Variants in CDK5R2 observed in about 807,000 individuals in gnomAD.
The protein encoded by CDK5R2 is cyclin-dependent kinase 5 activator 2.
CDK5R2 carries 7 observed loss-of-function variants against 23.1 expected under a neutral mutation model. That is an observed-to-expected ratio of 0.30 (90% CI 0.17 to 0.57). The LOEUF (loss-of-function observed/expected upper bound fraction) is 0.57. CDK5R2 is among the 20% of genes least tolerant of loss of function. The pLI, the probability that CDK5R2 is intolerant of heterozygous loss-of-function variation, is 0.91. For missense variants in CDK5R2, 380 were observed against 537.6 expected (o/e 0.71, Z 2.90); for synonymous variants, 242 against 264.9 (o/e 0.91, Z 0.84).
In CDK5R2 at chr2:218,961,676, GC is replaced by G; in HGVS notation, c.*756del. 6.0e-6 allele frequency: 1 copy of G among 167,176 alleles called. No individual in the cohort carries two copies. Among genetic ancestry groups the G allele is most frequent in the Non-Finnish European group, 1.5e-5 (1 of 68,198 alleles). 10.4% of individuals were successfully genotyped at this position (167,176 alleles called of 1,614,324 possible). On this transcript the variant is annotated 3_prime_UTR_variant, in exon 1 of 1. Coordinates refer to ENST00000302625, the MANE Select transcript of CDK5R2 (RefSeq NM_003936.5). The surrounding 1 kb of genome is among the most constrained non-coding windows in gnomAD (Gnocchi z 4.4). ...CAGACAGCCACCAGGATGGTCCCTC[GC>G]CCCACCCCCACCGCCTCTCCCCACC...
At position 218,960,285 on chromosome 2, in the gene CDK5R2, T is replaced by C. The variant is rs1945193620; in HGVS notation, c.465T>C (p.Pro155=). 3.0e-6 allele frequency: 4 copies of C among 1,343,780 alleles called. No homozygotes were observed. Among genetic ancestry groups the C allele is most frequent in the Non-Finnish European group, 3.8e-6 (4 of 1,056,800 alleles). The allele number at this position is 1,343,780 out of a possible 1,614,324, so 83.2% of individuals were successfully genotyped here. A position where few individuals can be genotyped will look rare whatever the true frequency, so the allele number is the denominator to read the frequency against. The change falls in exon 1 of 1, where the codon CCT becomes CCC. Residue 155 remains proline (P), a synonymous_variant. Coordinates refer to ENST00000302625, the MANE Select transcript of CDK5R2 (RefSeq NM_003936.5). ...CGCCGGGCTCGGGCGGGGGAAAGCC[T>C]CCGCCGCCGCCTCCCCCAGCCCCGC... ...AQPPGSGGGK[P]PPPPPPAPQV... is the part of the protein sequence containing the mutation.
In CDK5R2 at chr2:218,961,997, G is replaced by A. The variant is rs1309410010; in HGVS notation, c.*1073G>A. The A allele has an allele frequency of 1.2e-5, 2 of 167,276 alleles. No homozygotes were observed. The highest frequency in any genetic ancestry group is 2.9e-5 in the Non-Finnish European group (2 of 68,354). The allele number at this position is 167,276 out of a possible 1,614,324, so 10.4% of individuals were successfully genotyped here. Reference sequence around the variant, plus strand: ...GGCCGGGAACTGTCCGAGGTGCTGAGCTGGGGCGGGACCGGAATCCTCCCG... The same window carrying A: ...GGCCGGGAACTGTCCGAGGTGCTGAACTGGGGCGGGACCGGAATCCTCCCG... On this transcript the variant is annotated 3_prime_UTR_variant, in exon 1 of 1. Coordinates refer to ENST00000302625, the MANE Select transcript of CDK5R2 (RefSeq NM_003936.5). The surrounding 1 kb of genome is among the most constrained non-coding windows in gnomAD (Gnocchi z 4.4).
chr2:218,960,165 C>T lies in CDK5R2; in HGVS notation c.345C>T (p.Gly115=), dbSNP rs759513921. ...LRKGRDPPDG[G]GTAKPLAVPV... is the part of the protein sequence containing the mutation. ...AGGGCCGGGATCCCCCCGACGGCGG[C>T]GGCACCGCCAAGCCCCTGGCGGTGC... Residue 115 remains glycine (G), a synonymous_variant, in exon 1 of 1, where the codon GGC becomes GGT. Transcript: ENST00000302625. 2.6e-6 allele frequency: 4 copies of T among 1,541,630 alleles called. No homozygotes were observed. Among genetic ancestry groups the T allele is most frequent in the South Asian group, 2.4e-5 (2 of 83,648 alleles).
chr2:218,959,679 C>G lies in CDK5R2; in HGVS notation c.-142C>G, dbSNP rs1945185424. The G allele has an allele frequency of 7.9e-6, 8 of 1,015,776 alleles. No individual in the cohort carries two copies. The highest frequency in any genetic ancestry group is 1.0e-5 in the Non-Finnish European group (8 of 801,888). The allele number at this position is 1,015,776 out of a possible 1,614,324, so 62.9% of individuals were successfully genotyped here. A position where few individuals can be genotyped will look rare whatever the true frequency, so the allele number is the denominator to read the frequency against. ...CAGCTCAGGATTAGAGCAGCGGAGC[C>G]GCCTAGCAGCCACCTTCCCCCGCCA... On this transcript the variant is annotated 5_prime_UTR_variant, in exon 1 of 1. Transcript: ENST00000302625. This position sits in a 1 kb window ranked among gnomAD's most constrained non-coding sequence, Gnocchi z 4.0.
At position 218,960,177 on chromosome 2, in the gene CDK5R2, G is replaced by A; in HGVS notation, c.357G>A (p.Lys119=). The part of the protein sequence containing the change: ...RDPPDGGGTA[K]PLAVPVPTVP... ...CCCCCGACGGCGGCGGCACCGCCAA[G>A]CCCCTGGCGGTGCCAGTGCCCACCG... The change falls in exon 1 of 1, where the codon AAG becomes AAA. Residue 119 remains lysine (K), a synonymous_variant. Coordinates refer to ENST00000302625, the MANE Select transcript of CDK5R2 (RefSeq NM_003936.5). The A allele has an allele frequency of 6.6e-7, 1 of 1,514,066 alleles. No homozygotes were observed. The highest frequency in any genetic ancestry group is 8.8e-7 in the Non-Finnish European group (1 of 1,136,558). The allele number at this position is 1,514,066 out of a possible 1,614,324, so 93.8% of individuals were successfully genotyped here. A position where few individuals can be genotyped will look rare whatever the true frequency, so the allele number is the denominator to read the frequency against.
chr2:218,959,774 C>A lies in CDK5R2; in HGVS notation c.-47C>A. 8.1e-7 allele frequency: 1 copy of A among 1,235,450 alleles called. No homozygotes were observed. 76.5% of individuals were successfully genotyped at this position (1,235,450 alleles called of 1,614,324 possible). Reference sequence around the variant, plus strand: ...CCCGGGGCTGCAGTAGCAGCGGCGCCGCCCGCGGCTCCCGCTGGGGCCTGG... The same window carrying A: ...CCCGGGGCTGCAGTAGCAGCGGCGCAGCCCGCGGCTCCCGCTGGGGCCTGG... On this transcript the variant is annotated 5_prime_UTR_variant, in exon 1 of 1. Transcript: ENST00000302625. This position sits in a 1 kb window ranked among gnomAD's most constrained non-coding sequence, Gnocchi z 4.0.
Position 218,959,904 on chromosome 2 carries a change from G to A in CDK5R2, c.84G>A (p.Ala28=), listed in dbSNP as rs756638550. 1.4e-6 allele frequency: 2 copies of A among 1,463,004 alleles called. No homozygotes were observed. The highest frequency in any genetic ancestry group is 8.9e-7 in the Non-Finnish European group (1 of 1,118,028). 90.6% of individuals were successfully genotyped at this position (1,463,004 alleles called of 1,614,324 possible). A position where few individuals can be genotyped will look rare whatever the true frequency, so the allele number is the denominator to read the frequency against. ...PGGLPEEKKK[A]PPAGDEALGG... is the part of the protein sequence containing the mutation. ...GGCTGCCCGAGGAGAAGAAGAAGGC[G>A]CCGCCCGCGGGGGACGAGGCGCTGG... The change falls in exon 1 of 1, where the codon GCG becomes GCA. Residue 28 remains alanine, a synonymous_variant. Coordinates refer to ENST00000302625, the MANE Select transcript of CDK5R2 (RefSeq NM_003936.5). The surrounding 1 kb of genome is among the most constrained non-coding windows in gnomAD (Gnocchi z 4.0).
rs762613383 is a variant in CDK5R2 at position 218,960,193 on chromosome 2, G to C, written c.373G>C (p.Val125Leu). ...GGTAKPLAVP[V>L]PTVPAAAATC... Reference sequence around the variant, plus strand: ...CACCGCCAAGCCCCTGGCGGTGCCAGTGCCCACCGTGCCCGCGGCTGCCGC... The same window carrying C: ...CACCGCCAAGCCCCTGGCGGTGCCACTGCCCACCGTGCCCGCGGCTGCCGC... Residue 125 changes from valine (V) to leucine (L), a missense_variant, in exon 1 of 1, where the codon GTG becomes CTG. Physicochemically the swap from Val to Leu is conservative, Grantham distance 32 (BLOSUM62 1). Coordinates refer to ENST00000302625, the MANE Select transcript of CDK5R2 (RefSeq NM_003936.5). 6.9e-7 allele frequency: 1 copy of C among 1,447,022 alleles called. No homozygotes were observed. Among genetic ancestry groups the C allele is most frequent in the Non-Finnish European group, 9.1e-7 (1 of 1,104,636 alleles). The allele number at this position is 1,447,022 out of a possible 1,614,324, so 89.6% of individuals were successfully genotyped here.
In CDK5R2 at chr2:218,959,704, A is replaced by T. The variant is rs1945185859; in HGVS notation, c.-117A>T. The T allele has an allele frequency of 6.8e-6, 8 of 1,173,382 alleles. No homozygotes were observed. The South Asian group carries it at 3.5e-4, about 51-fold the overall frequency. The allele number at this position is 1,173,382 out of a possible 1,614,324, so 72.7% of individuals were successfully genotyped here. ...CGCCTAGCAGCCACCTTCCCCCGCC[A>T]GTCCGCGCGCCCGGGCCGGGGCTAG... On this transcript the variant is annotated 5_prime_UTR_variant, in exon 1 of 1. Transcript: ENST00000302625. The surrounding 1 kb of genome is among the most constrained non-coding windows in gnomAD (Gnocchi z 4.0).
Position 218,960,546 on chromosome 2 carries a change from G to A in CDK5R2, c.726G>A (p.Leu242=). 1 of 1,613,936 alleles carries A rather than the reference G, an allele frequency of 6.2e-7. No individual in the cohort carries two copies. Among genetic ancestry groups the A allele is most frequent in the Non-Finnish European group, 8.5e-7 (1 of 1,179,916 alleles). ...CAAACCTGGTGTTCGTGTACCTGCT[G>A]TGCCGCGAGTCGCTGCGTGGGGACG... is the stretch of plus-strand genomic sequence containing the variant. ...TPANLVFVYL[L]CRESLRGDEL... The change falls in exon 1 of 1, where the codon CTG becomes CTA. Residue 242 remains leucine (L), a synonymous_variant. Transcript: ENST00000302625.
In CDK5R2 at chr2:218,959,701, G is replaced by A. The variant is rs1021086808; in HGVS notation, c.-120G>A. ...AGCCGCCTAGCAGCCACCTTCCCCC[G>A]CCAGTCCGCGCGCCCGGGCCGGGGC... On this transcript the variant is annotated 5_prime_UTR_variant, in exon 1 of 1. Coordinates refer to ENST00000302625, the MANE Select transcript of CDK5R2 (RefSeq NM_003936.5). This position sits in a 1 kb window ranked among gnomAD's most constrained non-coding sequence, Gnocchi z 4.0. 11 of 1,165,796 alleles carry A rather than the reference G, an allele frequency of 9.4e-6. No homozygotes were observed. The highest frequency in any genetic ancestry group is 7.1e-5 in the East Asian group (2 of 27,990). 72.2% of individuals were successfully genotyped at this position (1,165,796 alleles called of 1,614,324 possible).
In CDK5R2 at chr2:218,960,492, C is replaced by T. The variant is rs755453535; in HGVS notation, c.672C>T (p.Gly224=). 1 of 1,613,816 alleles carries T rather than the reference C, an allele frequency of 6.2e-7. No homozygotes were observed. Among genetic ancestry groups the T allele is most frequent in the Non-Finnish European group, 8.5e-7 (1 of 1,179,906 alleles). ...RGVDRSLLLQ[G]WQDQAFITPA... Reference sequence around the variant, plus strand: ...TGGACCGCTCGCTGCTGCTGCAGGGCTGGCAAGACCAGGCCTTCATTACGC... The same window carrying T: ...TGGACCGCTCGCTGCTGCTGCAGGGTTGGCAAGACCAGGCCTTCATTACGC... Residue 224 remains glycine, a synonymous_variant, in exon 1 of 1, where the codon GGC becomes GGT. Transcript: ENST00000302625.
In CDK5R2 at chr2:218,959,964, CA is replaced by C; in HGVS notation, c.147del (p.Gly50AlafsTer34). On this transcript the variant is annotated frameshift_variant, in exon 1 of 1. Transcript: ENST00000302625. LOFTEE classifies it high-confidence loss of function. This position sits in a 1 kb window ranked among gnomAD's most constrained non-coding sequence, Gnocchi z 4.0. ...GGGCGCCGCCAGTGGGCAAGGGCGG[CA>C]AAGGCGAGAGCCGACTCAAGCGGCC... Reference protein sequence around the residue: ...YGAPPVGKGGKGESRLKRPSV... With the variant: ...YGAPPVGKGGXGESRLKRPSV... 1 of 1,547,058 alleles carries C rather than the reference CA, an allele frequency of 6.5e-7. No homozygotes were observed.
Position 218,960,207 on chromosome 2 carries a change from C to A in CDK5R2, c.387C>A (p.Pro129=). 1 of 1,414,900 alleles carries A rather than the reference C, an allele frequency of 7.1e-7. No homozygotes were observed. The allele number at this position is 1,414,900 out of a possible 1,614,324, so 87.6% of individuals were successfully genotyped here. Reference sequence around the variant, plus strand: ...TGGCGGTGCCAGTGCCCACCGTGCCCGCGGCTGCCGCCACCTGCGAGCCAC... The same window carrying A: ...TGGCGGTGCCAGTGCCCACCGTGCCAGCGGCTGCCGCCACCTGCGAGCCAC... ...KPLAVPVPTV[P]AAAATCEPPS... The change falls in exon 1 of 1, where the codon CCC becomes CCA. Residue 129 remains proline, a synonymous_variant. Transcript: ENST00000302625.
chr2:218,959,863 G>A lies in CDK5R2; in HGVS notation c.43G>A (p.Gly15Ser). ...LSLSPASSAK[G>S]RRPGGLPEEK... is the part of the protein sequence containing the mutation. Reference sequence around the variant, plus strand: ...TCTTTCGCCTGCCTCCTCGGCCAAGGGCCGGAGGCCCGGCGGGCTGCCCGA... The same window carrying A: ...TCTTTCGCCTGCCTCCTCGGCCAAGAGCCGGAGGCCCGGCGGGCTGCCCGA... Residue 15 changes from glycine (G) to serine (S), a missense_variant, in exon 1 of 1, where the codon GGC becomes AGC. Around this residue, in one of 3 missense-constraint regions of CDK5R2, gnomAD observed 197 missense variants for 246.4 expected, o/e 0.80. Transcript: ENST00000302625. The surrounding 1 kb of genome is among the most constrained non-coding windows in gnomAD (Gnocchi z 4.0). The A allele has an allele frequency of 1.4e-6, 2 of 1,431,514 alleles. No homozygotes were observed. Among genetic ancestry groups the A allele is most frequent in the Non-Finnish European group, 1.8e-6 (2 of 1,104,328 alleles). 88.7% of individuals were successfully genotyped at this position (1,431,514 alleles called of 1,614,324 possible).
At position 218,961,771 on chromosome 2, in the gene CDK5R2, G is replaced by T. The variant is rs1156397750; in HGVS notation, c.*847G>T. 17 of 167,224 alleles carry T rather than the reference G, an allele frequency of 1.0e-4. No homozygotes were observed. The highest frequency in any genetic ancestry group is 1.5e-5 in the Non-Finnish European group (1 of 68,274). The allele number at this position is 167,224 out of a possible 1,614,324, so 10.4% of individuals were successfully genotyped here. A position where few individuals can be genotyped will look rare whatever the true frequency, so the allele number is the denominator to read the frequency against. On this transcript the variant is annotated 3_prime_UTR_variant, in exon 1 of 1. Transcript: ENST00000302625. This position sits in a 1 kb window ranked among gnomAD's most constrained non-coding sequence, Gnocchi z 4.4. ...AGGGGCTGCCGGCTTCTTTCAGGAGGCTGAGGTTTGGAGGCAAAATCAACC... is the reference window on the plus strand; with the variant it reads ...AGGGGCTGCCGGCTTCTTTCAGGAGTCTGAGGTTTGGAGGCAAAATCAACC...
chr2:218,960,100 C>T lies in CDK5R2; in HGVS notation c.280C>T (p.Pro94Ser), dbSNP rs372811293. 66 of 1,600,638 alleles carry T rather than the reference C, an allele frequency of 4.1e-5. No homozygotes were observed. Among genetic ancestry groups the T allele is most frequent in the Non-Finnish European group, 5.2e-5 (61 of 1,174,884 alleles). The change falls in exon 1 of 1, where the codon CCC becomes TCC. Residue 94 changes from proline to serine, a missense_variant. Transcript: ENST00000302625. ...TPKPASTGPD[P>S]LVQQRNRENL... ...CAAGCCGGCATCCACGGGCCCCGAC[C>T]CCCTGGTCCAGCAACGCAACCGCGA...
Position 218,960,389 on chromosome 2 carries a change from T to G in CDK5R2, c.569T>G (p.Leu190Arg). ...TCCACCGGCGAGCTGCTGCGCTGTC[T>G]GGGCGACTTCGTGTGCCGACGCTGC... ...QASTGELLRCLGDFVCRRCYR... is the reference protein window; with the variant it reads ...QASTGELLRCRGDFVCRRCYR... The change falls in exon 1 of 1, where the codon CTG becomes CGG. Residue 190 changes from leucine (L) to arginine (R), a missense_variant. Coordinates refer to ENST00000302625, the MANE Select transcript of CDK5R2 (RefSeq NM_003936.5). 6.3e-7 allele frequency: 1 copy of G among 1,592,866 alleles called. No individual in the cohort carries two copies. The highest frequency in any genetic ancestry group is 8.5e-7 in the Non-Finnish European group (1 of 1,174,490).
Position 218,959,801 on chromosome 2 carries a change from C to T in CDK5R2, c.-20C>T, listed in dbSNP as rs759878477. 2.1e-4 allele frequency: 269 copies of T among 1,252,072 alleles called. No homozygotes were observed. Among genetic ancestry groups the T allele is most frequent in the Non-Finnish European group, 1.5e-4 (152 of 1,001,296 alleles). The allele number at this position is 1,252,072 out of a possible 1,614,324, so 77.6% of individuals were successfully genotyped here. A position where few individuals can be genotyped will look rare whatever the true frequency, so the allele number is the denominator to read the frequency against. ...CCCGCGGCTCCCGCTGGGGCCTGGG[C>T]GCCGGCCCCGCTCTGCAGGATGGGC... On this transcript the variant is annotated 5_prime_UTR_variant, in exon 1 of 1. Transcript: ENST00000302625. This position sits in a 1 kb window ranked among gnomAD's most constrained non-coding sequence, Gnocchi z 4.0.
Sources: gnomAD v4.1 joint callset for allele counts on GRCh38, gnomAD v4.1.1 for gene constraint, gnomAD v4.1.1 regional missense constraint, Gnocchi (gnomAD v3.1) non-coding constraint, MANE v1.5 for transcripts, NCBI Gene and HGNC (gene_info 2026-07-23, HGNC 2026-07-21) for gene names.